The following GRM8 variants were observed in gnomAD, a reference collection of about 807,000 sequenced individuals.
The protein encoded by GRM8 is glutamate metabotropic receptor 8.
GRM8 carries 47 observed loss-of-function variants against 87.2 expected under a neutral mutation model. That is an observed-to-expected ratio of 0.54 (90% CI 0.43 to 0.69). GRM8 has a LOEUF of 0.69. Among genes scored for constraint, GRM8 ranks in the 30% least tolerant of loss-of-function variants. The pLI is 0.00. For missense variants in GRM8, 1,019 were observed against 1,139.2 expected, an observed-to-expected ratio of 0.89 and a Z score of 1.52; for synonymous variants, 396 against 404.5, an observed-to-expected ratio of 0.98 and a Z score of 0.25.
intron 7 of GRM8, among the ~76,000 whole-genome samples, chr7:126,622,228 C>T (rs968798238): frequency 6.6e-6 from 1 of 152,106 alleles, no homozygotes; most frequent in Non-Finnish European, 1.5e-5. Flanking sequence ...AGGTGCCTCA[C>T]TTCCTTTACC....
chr7:126,883,277 C>T (rs190234481), intron 6 of GRM8, among the ~76,000 whole-genome samples: 1 of 152,246 alleles, frequency 6.6e-6, no homozygotes, highest in East Asian at 1.9e-4. Context: ...AATGTTCAGC[C>T]TCATTTTAAC....
At chr7:127,170,012 T>A (rs550006362) in intron 2 of GRM8, among the ~76,000 whole-genome samples, 98 of 152,312 alleles carry the variant, frequency 6.4e-4, no homozygotes, top group African/African-American at 2.2e-3. Context: ...CTGTAGCCCA[T>A]GGATCAAGGA....
chr7:126,688,331 T>C (rs1285308559), intron 7 of GRM8, among the ~76,000 whole-genome samples: 2 of 152,174 alleles, frequency 1.3e-5, no homozygotes, highest in Non-Finnish European at 2.9e-5. Context: ...AGGATCTCTA[T>C]GCAAAAAAGC....
At chr7:127,038,306 C>T (rs762105977) in intron 3 of GRM8, among the ~76,000 whole-genome samples, 10 of 151,936 alleles carry the variant, frequency 6.6e-5, no homozygotes, top group Admixed American at 2.0e-4. Flanking sequence ...TAAGACAATA[C>T]GTAAGAAAGT....
chr7:126,891,535 C>T (rs1032151483), intron 6 of GRM8, among the ~76,000 whole-genome samples: 2 of 152,028 alleles, frequency 1.3e-5, no homozygotes, highest in African/African-American at 4.8e-5. Context: ...TCCTTACTCT[C>T]TTCCTATCCC....
intron 9 of GRM8, among the ~76,000 whole-genome samples, chr7:126,477,278 G>C (rs565766525): frequency 2.0e-5 from 3 of 152,104 alleles, no homozygotes; most frequent in Admixed American, 2.0e-4. Flanking sequence ...AGCATACAAA[G>C]TTTCAGTTAT....
intron 2 of GRM8, among the ~76,000 whole-genome samples, chr7:127,140,262 C>T (rs964307326): frequency 2.6e-5 from 4 of 152,022 alleles, no homozygotes; most frequent in Non-Finnish European, 5.9e-5. Context: ...TTAGTGGCAT[C>T]CCTGGTCTCT....
intron 9 of GRM8, among the ~76,000 whole-genome samples, chr7:126,499,553 A>C (rs1434324698): frequency 6.6e-6 from 1 of 151,946 alleles, no homozygotes; most frequent in African/African-American, 2.4e-5. Flanking sequence ...AGTCAACCTA[A>C]GTGTTGTTTC....
intron 3 of GRM8, among the ~76,000 whole-genome samples, chr7:127,029,271 T>C (rs959527633): frequency 6.6e-6 from 1 of 152,208 alleles, no homozygotes. Context: ...TGGTCAATTT[T>C]AGAATAAGTG....
intron 1 of GRM8, among the ~76,000 whole-genome samples, chr7:127,246,332 A>G (rs982741823): frequency 6.6e-6 from 1 of 152,190 alleles, no homozygotes; most frequent in African/African-American, 2.4e-5. Context: ...TATAGATCCA[A>G]ATACCTCTAT....
chr7:126,778,043 G>C (rs532742435), intron 6 of GRM8, among the ~76,000 whole-genome samples: 1 of 152,130 alleles, frequency 6.6e-6, no homozygotes, highest in Admixed American at 6.6e-5. Flanking sequence ...CACACCCAAG[G>C]TTCTGCTTTG....
At chr7:127,068,558 A>G (rs1031534905) in intron 3 of GRM8, among the ~76,000 whole-genome samples, 1 of 152,236 alleles carries the variant, frequency 6.6e-6, no homozygotes, top group South Asian at 2.1e-4. Flanking sequence ...TGGGGCACAC[A>G]TGGAGAAGGA....
intron 6 of GRM8, among the ~76,000 whole-genome samples, chr7:126,825,906 T>A (rs927281707): frequency 6.8e-6 from 1 of 147,668 alleles, no homozygotes; most frequent in Non-Finnish European, 1.5e-5. Flanking sequence ...GAGTGTGATG[T>A]TCCCCTTCCT....
chr7:127,127,486 T>G (rs1216867861), intron 2 of GRM8, among the ~76,000 whole-genome samples: 4 of 152,034 alleles, frequency 2.6e-5, no homozygotes, highest in Non-Finnish European at 2.9e-5. Flanking sequence ...CACAGTAATA[T>G]GAATGAATCT....
At chr7:126,525,282 T>C (rs1050829774) in intron 9 of GRM8, among the ~76,000 whole-genome samples, 8 of 152,338 alleles carry the variant, frequency 5.3e-5, no homozygotes, top group Non-Finnish European at 1.0e-4. Flanking sequence ...CTTATATTCT[T>C]ATCCTAGGTA....
chr7:126,831,733 A>G (rs999318976), intron 6 of GRM8, among the ~76,000 whole-genome samples: 1 of 151,956 alleles, frequency 6.6e-6, no homozygotes, highest in African/African-American at 2.4e-5. Flanking sequence ...AGTGAGATGA[A>G]CCCGGTACCT....
At chr7:126,565,718 C>T (rs1207375276) in intron 8 of GRM8, among the ~76,000 whole-genome samples, 1 of 151,932 alleles carries the variant, frequency 6.6e-6, no homozygotes, top group African/African-American at 2.4e-5. Flanking sequence ...TAAAAGAACC[C>T]AAATAGCAAA....
At chr7:126,759,368 G>A (rs978233083) in intron 7 of GRM8, among the ~76,000 whole-genome samples, 3 of 150,566 alleles carry the variant, frequency 2.0e-5, no homozygotes, top group East Asian at 3.8e-4. Flanking sequence ...TAACATGGGC[G>A]CAATTCCATT....
At chr7:126,457,615 G>A (rs1803403295) in intron 9 of GRM8, among the ~76,000 whole-genome samples, 1 of 151,016 alleles carries the variant, frequency 6.6e-6, no homozygotes, top group African/African-American at 2.4e-5. Flanking sequence ...TAAGTCAAAA[G>A]AAAAACAATG....
Sources: gnomAD v4.1 joint callset for allele counts (sites outside exome capture counted in the v4.1 genomes callset) on GRCh38, gnomAD v4.1.1 for gene constraint, MANE v1.5 for transcripts, NCBI Gene and HGNC (gene_info 2026-07-23, HGNC 2026-07-21) for gene names.